The following DST variants were observed in gnomAD, a reference collection of about 807,000 sequenced individuals.
DST encodes bullous pemphigoid antigen.
A neutral mutation model predicts 875.2 loss-of-function variants in DST; 253 were observed. The observed-to-expected ratio is 0.29, with a 90% CI of 0.26 to 0.32. The LOEUF is 0.32. Among genes scored for constraint, DST ranks in the 10% least tolerant of loss-of-function variants. The pLI is 1.00. For synonymous variants in DST, 3,124 were observed against 3,197.1 expected (o/e 0.98, Z 0.77); for missense variants, 8,287 against 9,111.6 (o/e 0.91, Z 3.68).
chr6:56,771,110 T>G (rs77422639), intron 4 of DST, among the ~76,000 whole-genome samples: 1 of 151,434 alleles, frequency 6.6e-6, no homozygotes, highest in Non-Finnish European at 1.5e-5. Context: ...CTGGTCAATA[T>G]AAACACAGCC....
At chr6:56,465,609 G>T (rs2094540585) in intron 99 of DST, among the ~76,000 whole-genome samples, 1 of 151,942 alleles carries the variant, frequency 6.6e-6, no homozygotes, top group Non-Finnish European at 1.5e-5. Flanking sequence ...GTTAGCATTG[G>T]ATTATTATTT....
At chr6:56,907,313 A>G (rs1238629753) in intron 2 of DST, among the ~76,000 whole-genome samples, 5 of 152,190 alleles carry the variant, frequency 3.3e-5, no homozygotes, top group Non-Finnish European at 7.3e-5. Context: ...TAACGCACAC[A>G]ATTTTTGTTA....
intron 4 of DST, among the ~76,000 whole-genome samples, chr6:56,824,270 C>T (rs1019910528): frequency 1.3e-5 from 2 of 152,228 alleles, no homozygotes; most frequent in Admixed American, 1.3e-4. Flanking sequence ...CTCGGCCTCT[C>T]GAGGTGCCGG....
chr6:56,701,142 G>A (rs1442439454), intron 8 of DST, among the ~76,000 whole-genome samples: 1 of 151,196 alleles, frequency 6.6e-6, no homozygotes, highest in African/African-American at 2.4e-5. Context: ...ACCACACCCA[G>A]CCTCTTCCTT....
chr6:56,576,414 G>A (rs887311432), intron 50 of DST, among the ~76,000 whole-genome samples: 5 of 152,152 alleles, frequency 3.3e-5, no homozygotes, highest in Non-Finnish European at 5.9e-5. Flanking sequence ...ATCACAATTT[G>A]GGACTTGTGA....
chr6:56,667,032 C>G (rs2099075708), intron 10 of DST, among the ~76,000 whole-genome samples: 1 of 151,920 alleles, frequency 6.6e-6, no homozygotes, highest in Non-Finnish European at 1.5e-5. Flanking sequence ...ATTCTAAATT[C>G]TAATTCTAAA....
chr6:56,549,874 T>C (rs1390653915), intron 61 of DST, among the ~76,000 whole-genome samples: 1 of 152,166 alleles, frequency 6.6e-6, no homozygotes, highest in Non-Finnish European at 1.5e-5. Flanking sequence ...AAATAAAGTT[T>C]ACACGAAGCA....
intron 3 of DST, chr6:56,871,226 A>C: frequency 2.6e-6 from 2 of 768,918 alleles, no homozygotes; most frequent in Non-Finnish European, 4.8e-6. Context: ...AGAACCACAC[A>C]AAGTCATGCA....
intron 93 of DST, 71 bp from the exon 94 acceptor site, chr6:56,472,293 T>C: frequency 1.4e-6 from 2 of 1,448,806 alleles, no homozygotes; most frequent in South Asian, 1.3e-5. Context: ...TTGACCTTTT[T>C]TGCTTCTAGC....
At chr6:56,525,872 C>T (rs116637142) in intron 69 of DST, among the ~76,000 whole-genome samples, 5 of 152,122 alleles carry the variant, frequency 3.3e-5, no homozygotes, top group Admixed American at 1.3e-4. Flanking sequence ...TCTTTTCCCC[C>T]CTTCTGTCAT....
intron 55 of DST, among the ~76,000 whole-genome samples, chr6:56,563,655 T>C (rs1218915085): frequency 6.6e-6 from 1 of 152,224 alleles, no homozygotes; most frequent in Non-Finnish European, 1.5e-5. Context: ...TCTTTGCCCA[T>C]GCCTATGTCC....
chr6:56,637,214 C>A (rs2098834617), intron 22 of DST, among the ~76,000 whole-genome samples: 1 of 152,150 alleles, frequency 6.6e-6, no homozygotes, highest in African/African-American at 2.4e-5. Context: ...TTAAACCACT[C>A]CAGTTGATTT....
At chr6:56,631,026 ACCTGCCTTGG>A (rs2098774961) in intron 30 of DST, among the ~76,000 whole-genome samples, 175 bp downstream of exon 30, 1 of 152,098 alleles carries the variant, frequency 6.6e-6, no homozygotes, top group African/African-American at 2.4e-5. Flanking sequence ...CAGGTGATTC[ACCTGCCTTGG>A]CCTCCCAAAG....
Position 56,488,092 on chromosome 6 carries a change from T to C in DST, c.20878-819A>G, listed in dbSNP as rs779152263. 3.8e-4 allele frequency among the ~76,000 whole-genome samples: 58 copies of C among 152,302 alleles called. 1 individual carries two copies. Among genetic ancestry groups the C allele is most frequent in the African/African-American group, 1.2e-3 (49 of 41,580 alleles). ...ACTACATCTGGAAATTTCTAAGTAA[T>C]AGACAACACAATTACAATCACATTA... is the stretch of plus-strand genomic sequence containing the variant. On this transcript the variant is annotated intron_variant, in intron 86 of 103. Transcript: ENST00000680361.
intron 16 of DST, 142 bp downstream of exon 16, chr6:56,642,268 C>A: frequency 1.2e-6 from 1 of 866,674 alleles, no homozygotes; most frequent in Non-Finnish European, 1.9e-6. Flanking sequence ...AGAGCAAACA[C>A]CAATCATAAT....
At chr6:56,614,253 GA>G (rs2098589119) in intron 37 of DST, 102 bp downstream of exon 37, 1 of 1,121,026 alleles carries the variant, frequency 8.9e-7, no homozygotes, top group African/African-American at 1.6e-5. Context: ...ATAACAATGG[GA>G]AAATTAAGGT....
At chr6:56,704,470 T>C (rs2099324699) in intron 5 of DST, 101 bp from the exon 6 acceptor site, 6 of 593,294 alleles carry the variant, frequency 1.0e-5, no homozygotes, top group Non-Finnish European at 1.8e-5. Flanking sequence ...CCTCACATGG[T>C]ATTCATTCAT....
rs2098414087 is a variant in DST, at chr6:56,598,548, A to G, written c.11856T>C (p.Asn3952=). ...CCTTTTTAGACTGTTCTGCTTTTAA[A>G]TTAAGCTGTTCACACTTTATCTTAG... ...NEAKIKCEQL[N]LKAEQSKKEL... Residue 3952 remains asparagine (N), a synonymous_variant, in exon 46 of 104, where the codon AAT becomes AAC. Coordinates refer to ENST00000680361, the MANE Select transcript of DST (RefSeq NM_001374736.1). 3.1e-6 allele frequency: 5 copies of G among 1,610,166 alleles called. No individual in the cohort carries two copies. Among genetic ancestry groups the G allele is most frequent in the Admixed American group, 3.3e-5 (2 of 59,784 alleles).
intron 50 of DST, among the ~76,000 whole-genome samples, chr6:56,577,538 A>T (rs2097891741): frequency 6.6e-6 from 1 of 152,184 alleles, no homozygotes; most frequent in African/African-American, 2.4e-5. Flanking sequence ...CATTTTTGAC[A>T]GGGGTACATA....
Sources: gnomAD v4.1 joint callset for allele counts (sites outside exome capture counted in the v4.1 genomes callset) on GRCh38, gnomAD v4.1.1 for gene constraint, MANE v1.5 for transcripts, NCBI Gene and HGNC (gene_info 2026-07-23, HGNC 2026-07-21) for gene names.